Variants in RTN4 observed in about 807,000 individuals in gnomAD.
The protein encoded by RTN4 is reticulon 4.
In RTN4, 32 loss-of-function variants were observed where a neutral mutation model predicts 90.4. The observed-to-expected ratio is 0.35, with a 90% CI of 0.27 to 0.48. RTN4 has a LOEUF of 0.48. Ranked by LOEUF, RTN4 falls within the 20% of genes least tolerant of loss-of-function variation. RTN4 has a pLI of 0.99. For missense variants in RTN4, 1,706 were observed against 1,430.2 expected, an observed-to-expected ratio of 1.19 and a Z score of -3.11; for synonymous variants, 629 against 552.5, an observed-to-expected ratio of 1.14 and a Z score of -1.94.
At chr2:55,108,051 G>A (rs1341482759) in intron 1 of RTN4, among the ~76,000 whole-genome samples, 2 of 151,964 alleles carry the variant, frequency 1.3e-5, no homozygotes, top group African/African-American at 2.4e-5. Flanking sequence ...TGCCTCCTGG[G>A]TTCAAGTGAT....
chr2:55,107,122 T>C lies in RTN4; in HGVS notation c.-214+5398A>G, dbSNP rs193012973. On this transcript the variant is annotated intron_variant, in intron 1 of 3. Transcript: ENST00000427710. ...TTTTGATACATTTGTCTTAAGATAT[T>C]AATGAAACACTTCAAAACACTGATA... 1.6e-3 allele frequency among the ~76,000 whole-genome samples: 240 copies of C among 151,920 alleles called. 2 individuals carry two copies. The highest frequency in any genetic ancestry group is 5.5e-3 in the African/African-American group (229 of 41,474).
intron 1 of RTN4, among the ~76,000 whole-genome samples, chr2:55,037,536 T>C (rs1026333244): frequency 3.3e-5 from 5 of 152,186 alleles, no homozygotes; most frequent in Admixed American, 2.6e-4. Flanking sequence ...CCATGTGAAA[T>C]GGAGCTGAGG....
intron 1 of RTN4, among the ~76,000 whole-genome samples, chr2:55,106,664 C>T (rs187875778): frequency 3.9e-5 from 6 of 152,056 alleles, no homozygotes; most frequent in Non-Finnish European, 7.4e-5. Flanking sequence ...GGATTACAGG[C>T]GTGCACCACC....
At chr2:55,082,114 G>T (rs1453933580) in intron 1 of RTN4, among the ~76,000 whole-genome samples, 1 of 152,068 alleles carries the variant, frequency 6.6e-6, no homozygotes. Context: ...GCAATAATCT[G>T]TATAAAGACA....
intron 1 of RTN4, among the ~76,000 whole-genome samples, chr2:55,090,878 C>T (rs534481636): frequency 8.5e-5 from 13 of 152,206 alleles, no homozygotes; most frequent in African/African-American, 2.4e-5. Flanking sequence ...CCCAAATCTA[C>T]GAGTCATCCT....
intron 1 of RTN4, among the ~76,000 whole-genome samples, chr2:55,098,756 C>G (rs1667797424): frequency 6.6e-6 from 1 of 152,010 alleles, no homozygotes; most frequent in South Asian, 2.1e-4. Flanking sequence ...ATAGGTTTCC[C>G]CCTGAACCCC....
Position 55,049,755 on chromosome 2 carries a change from C to A in RTN4, c.546G>T (p.Ser182=), listed in dbSNP as rs752445810. The A allele has an allele frequency of 1.5e-6, 2 of 1,343,724 alleles. No individual in the cohort carries two copies. Among genetic ancestry groups the A allele is most frequent in the Non-Finnish European group, 9.5e-7 (1 of 1,047,178 alleles). 83.2% of individuals were successfully genotyped at this position (1,343,724 alleles called of 1,614,324 possible). The stretch of plus-strand genomic sequence containing the variant: ...GGTCGCGGCACTCACCCACTGAGCC[C>A]GAGGAGCCCCTGCGCTTGGGCGCGG... ...TPAAPKRRGS[S]GSVDETLFAL... is the part of the protein sequence containing the mutation. Residue 182 remains serine (S), a synonymous_variant, in exon 1 of 9, where the codon TCG becomes TCT. Transcript: ENST00000337526.
chr2:55,076,498 C>G (rs1281030327), intron 2 of RTN4, among the ~76,000 whole-genome samples: 1 of 138,274 alleles, frequency 7.2e-6, no homozygotes, highest in Non-Finnish European at 1.5e-5. Flanking sequence ...TTCCCAGGTT[C>G]TAGTGATTTT....
At chr2:55,052,593 G>A (rs1668116026), upstream of RTN4, among the ~76,000 whole-genome samples, 2 of 152,138 alleles carry the variant, frequency 1.3e-5, no homozygotes, top group Non-Finnish European at 2.9e-5. Flanking sequence ...ATGTATTGAT[G>A]TAGAATTTTG....
At chr2:55,063,693 C>G (rs915962560) in intron 2 of RTN4, among the ~76,000 whole-genome samples, 2 of 151,738 alleles carry the variant, frequency 1.3e-5, no homozygotes, top group East Asian at 1.9e-4. Context: ...CCAGCCTGGA[C>G]AACATGGTAA....
chr2:55,116,089 G>GCCTTTT (rs1409371829), upstream of RTN4, among the ~76,000 whole-genome samples: 1 of 81,274 alleles, frequency 1.2e-5, no homozygotes, highest in Non-Finnish European at 2.5e-5. Context: ...ATGGGGACTA[G>GCCTTTT]TCTTTTTTTT....
intron 1 of RTN4, among the ~76,000 whole-genome samples, chr2:55,034,246 A>T (rs1682524710): frequency 6.6e-6 from 1 of 152,172 alleles, no homozygotes; most frequent in South Asian, 2.1e-4. Context: ...CACACCTGTA[A>T]TCTCAGGACC....
chr2:55,003,432 T>G (rs1215341237), intron 3 of RTN4, among the ~76,000 whole-genome samples: 2 of 152,114 alleles, frequency 1.3e-5, no homozygotes, highest in East Asian at 3.8e-4. Context: ...AAGGGGCAGC[T>G]GAATCAAACA....
chr2:55,107,671 G>A (rs921745423), intron 1 of RTN4, among the ~76,000 whole-genome samples: 1 of 152,080 alleles, frequency 6.6e-6, no homozygotes, highest in Non-Finnish European at 1.5e-5. Flanking sequence ...ATGGTAGTCA[G>A]GCTCTGGGTA....
chr2:55,034,401 C>G (rs987475361), intron 1 of RTN4, among the ~76,000 whole-genome samples: 1 of 152,080 alleles, frequency 6.6e-6, no homozygotes, highest in African/African-American at 2.4e-5. Flanking sequence ...ACTTGGGAGG[C>G]TGAGGTGGGA....
At chr2:55,018,156 T>C (rs1681179414) in intron 3 of RTN4, among the ~76,000 whole-genome samples, 1 of 152,342 alleles carries the variant, frequency 6.6e-6, no homozygotes, top group South Asian at 2.1e-4. Context: ...ATAAAATGGT[T>C]CCTTCTTTCA....
intron 3 of RTN4, among the ~76,000 whole-genome samples, chr2:54,996,002 T>A (rs766367736): frequency 2.0e-5 from 3 of 152,050 alleles, no homozygotes; most frequent in Non-Finnish European, 2.9e-5. Flanking sequence ...CTAGAAATAA[T>A]GAATGAGAGT....
At chr2:55,058,455 C>T (rs1168900891) in intron 2 of RTN4, among the ~76,000 whole-genome samples, 3 of 152,178 alleles carry the variant, frequency 2.0e-5, no homozygotes, top group Admixed American at 6.5e-5. Flanking sequence ...TTTACCCATA[C>T]GAAATTTCCA....
intron 2 of RTN4, among the ~76,000 whole-genome samples, chr2:55,078,155 C>T (rs983954942): frequency 1.3e-5 from 2 of 151,930 alleles, no homozygotes; most frequent in African/African-American, 2.4e-5. Flanking sequence ...CAAACACAAC[C>T]TTTTCCCAAA....
Sources: gnomAD v4.1 joint callset for allele counts (sites outside exome capture counted in the v4.1 genomes callset) on GRCh38, gnomAD v4.1.1 for gene constraint, MANE v1.5 for transcripts, NCBI Gene and HGNC (gene_info 2026-07-23, HGNC 2026-07-21) for gene names.